Variants in FNBP4 observed in about 807,000 individuals in gnomAD.
FNBP4 encodes formin binding protein 4, also known as formin-binding protein 4.
A neutral mutation model predicts 119.3 loss-of-function variants in FNBP4; 34 were observed. The ratio of observed to expected loss-of-function variants is 0.28; its 90% confidence interval spans 0.22 to 0.38. FNBP4 has a LOEUF of 0.38. Ranked by LOEUF, FNBP4 falls within the 10% of genes least tolerant of loss-of-function variation. FNBP4 has a pLI of 1.00. For missense variants in FNBP4, 1,112 were observed against 1,228.9 expected (o/e 0.90, Z 1.42); for synonymous variants, 462 against 430.6 (o/e 1.07, Z -0.90).
intron 4 of FNBP4, among the ~76,000 whole-genome samples, chr11:47,752,077 C>T (rs2097605143): frequency 6.6e-6 from 1 of 152,050 alleles, no homozygotes; most frequent in Non-Finnish European, 1.5e-5. Flanking sequence ...AAATTACATC[C>T]TACTAGTTTT....
intron 16 of FNBP4, among the ~76,000 whole-genome samples, chr11:47,719,161 T>C (rs1185860269): frequency 6.6e-6 from 1 of 152,238 alleles, no homozygotes; most frequent in Non-Finnish European, 1.5e-5. Context: ...GTGCTGGGAT[T>C]ACAGGCGTGA....
chr11:47,729,672 C>G, intron 12 of FNBP4: 9 of 979,968 alleles, frequency 9.2e-6, no homozygotes, highest in African/African-American at 1.7e-5. Context: ...ACTAACTATG[C>G]CTGGCTAACT....
intron 3 of FNBP4, among the ~76,000 whole-genome samples, chr11:47,754,124 A>C (rs538051297): frequency 7.9e-5 from 12 of 151,916 alleles, no homozygotes; most frequent in African/African-American, 2.9e-4. Context: ...AGCCTCAGCT[A>C]CTTGAACCCA....
intron 2 of FNBP4, among the ~76,000 whole-genome samples, chr11:47,761,856 G>A (rs111416422): frequency 6.8e-6 from 1 of 146,588 alleles, no homozygotes; most frequent in African/African-American, 2.5e-5. Flanking sequence ...TTTTTTTTTT[G>A]AGACAGAGTT....
intron 14 of FNBP4, 74 bp from the exon 15 acceptor site, chr11:47,723,390 G>A: frequency 6.6e-7 from 1 of 1,517,382 alleles, no homozygotes; most frequent in South Asian, 1.3e-5. Context: ...AAAGAGAAGT[G>A]GGGATTAGAT....
Position 47,736,149 on chromosome 11 carries a change from G to A in FNBP4, c.1581+467C>T, listed in dbSNP as rs191481146. 5.3e-3 allele frequency among the ~76,000 whole-genome samples: 799 copies of A among 151,704 alleles called. 10 individuals are homozygous for A. Among genetic ancestry groups the A allele is most frequent in the African/African-American group, 0.019 (769 of 41,368 alleles). ...TCAGCTACTTGGGAGGCTGAGGCAGGAGAAGTGCTTGAACGTGGGAGGCAG... is the reference window on the plus strand; with the variant it reads ...TCAGCTACTTGGGAGGCTGAGGCAGAAGAAGTGCTTGAACGTGGGAGGCAG... On this transcript the variant is annotated intron_variant, in intron 9 of 16. Coordinates refer to ENST00000263773, the MANE Select transcript of FNBP4 (RefSeq NM_015308.5).
intron 8 of FNBP4, among the ~76,000 whole-genome samples, chr11:47,738,159 A>G (rs2097576765): frequency 6.6e-6 from 1 of 152,048 alleles, no homozygotes; most frequent in South Asian, 2.1e-4. Context: ...AATCTCCAAA[A>G]GAGAAGAGGT....
chr11:47,757,987 T>A (rs1468909671), intron 2 of FNBP4, among the ~76,000 whole-genome samples: 1 of 152,238 alleles, frequency 6.6e-6, no homozygotes, highest in Non-Finnish European at 1.5e-5. Context: ...TATTTTATTT[T>A]TTATTTTATG....
intron 2 of FNBP4, among the ~76,000 whole-genome samples, chr11:47,757,833 A>ATATG (rs10660121): frequency 0.35 from 52,845 of 151,900 alleles, 10,634 homozygotes; most frequent in South Asian, 0.52. Flanking sequence ...GTTTATGTAT[A>ATATG]TATGTAAGAG....
At chr11:47,765,869 T>TTTTTTG (rs2097646737) in intron 1 of FNBP4, among the ~76,000 whole-genome samples, 2 of 144,118 alleles carry the variant, frequency 1.4e-5, no homozygotes, top group African/African-American at 5.1e-5. Flanking sequence ...TTTTTTTTTT[T>TTTTTTG]TGAGACGGAG....
chr11:47,735,896 G>A (rs1439445973), intron 9 of FNBP4, among the ~76,000 whole-genome samples: 3 of 151,452 alleles, frequency 2.0e-5, no homozygotes, highest in East Asian at 2.0e-4. Flanking sequence ...TGGTTAACAC[G>A]GTGAAACCCC....
chr11:47,736,749 A>C lies in FNBP4; in HGVS notation c.1457-9T>G. On this transcript the variant is annotated splice_polypyrimidine_tract_variant and intron_variant, in intron 8 of 16. Coordinates refer to ENST00000263773, the MANE Select transcript of FNBP4 (RefSeq NM_015308.5). ...ATTTTCAGCACCAATTGCTGTAAAA[A>C]AAACATGTAAAATTAAACCAAAGTA... 6.3e-7 allele frequency: 1 copy of C among 1,589,992 alleles called. No homozygotes were observed. The highest frequency in any genetic ancestry group is 1.3e-5 in the African/African-American group (1 of 74,122).
chr11:47,758,091 T>C (rs1202732941), intron 2 of FNBP4, among the ~76,000 whole-genome samples: 1 of 152,186 alleles, frequency 6.6e-6, no homozygotes, highest in Non-Finnish European at 1.5e-5. Context: ...GGCAAAATTT[T>C]TCATTTCTTT....
At chr11:47,758,613 C>A (rs1244473538) in intron 2 of FNBP4, among the ~76,000 whole-genome samples, 1 of 151,950 alleles carries the variant, frequency 6.6e-6, no homozygotes, top group Non-Finnish European at 1.5e-5. Flanking sequence ...GCCTGTAATG[C>A]CAGCACTTTG....
At chr11:47,722,887 A>C in intron 15 of FNBP4, 89 bp downstream of exon 15, 2 of 1,383,832 alleles carry the variant, frequency 1.4e-6, no homozygotes, top group Non-Finnish European at 1.9e-6. Context: ...CACAGTGCCC[A>C]GCCTGAAAAT....
At chr11:47,766,667 G>A (rs2097648297) in intron 1 of FNBP4, among the ~76,000 whole-genome samples, 1 of 152,238 alleles carries the variant, frequency 6.6e-6, no homozygotes, top group African/African-American at 2.4e-5. Context: ...TCCCCGTTTC[G>A]ACAAAACCGA....
chr11:47,738,847 ATTTTTTTTT>A (rs71045510), intron 8 of FNBP4, among the ~76,000 whole-genome samples: 70 of 110,970 alleles, frequency 6.3e-4, no homozygotes, highest in Middle Eastern at 4.2e-3. Flanking sequence ...TGCCCAGGTA[ATTTTTTTTT>A]TTTTTTTTTT....
At position 47,746,272 on chromosome 11, in the gene FNBP4, T is replaced by C; in HGVS notation, c.1029A>G (p.Arg343=). Residue 343 remains arginine (R), a synonymous_variant, in exon 7 of 17, where the codon AGA becomes AGG. Transcript: ENST00000263773. ...GIKEEEERWR[R]KVICKEEPVS... is the part of the protein sequence containing the mutation. Reference sequence around the variant, plus strand: ...CTGGCTCCTCTTTACAAATTACTTTTCTTCTCCATCTCTCTTCTTCTTCTT... The same window carrying C: ...CTGGCTCCTCTTTACAAATTACTTTCCTTCTCCATCTCTCTTCTTCTTCTT... 1 of 1,614,178 alleles carries C rather than the reference T, an allele frequency of 6.2e-7. No homozygotes were observed.
intron 3 of FNBP4, 115 bp downstream of exon 3, chr11:47,754,413 A>T (rs564725894): frequency 2.1e-6 from 2 of 966,262 alleles, no homozygotes; most frequent in Non-Finnish European, 3.2e-6. Flanking sequence ...AGAGTGTTGG[A>T]GGGAGAGGGA....
Sources: gnomAD v4.1 joint callset for allele counts (sites outside exome capture counted in the v4.1 genomes callset) on GRCh38, gnomAD v4.1.1 for gene constraint, MANE v1.5 for transcripts, NCBI Gene and HGNC (gene_info 2026-07-23, HGNC 2026-07-21) for gene names.